ANO3: variants seen among roughly 807,000 people sequenced by gnomAD.
The protein encoded by ANO3 is anoctamin-3.
Under a neutral mutation model 144.8 loss-of-function variants are expected in ANO3, and 99 were observed. That is an observed-to-expected ratio of 0.68 (90% CI 0.58 to 0.81). The LOEUF is 0.81. Ranked by LOEUF, ANO3 falls within the 30% of genes least tolerant of loss-of-function variation. The probability of loss-of-function intolerance (pLI) is 0.00; values close to 1 mark genes in which losing one functional copy is unlikely to be tolerated. For missense variants in ANO3, 905 were observed against 1,202.2 expected, an observed-to-expected ratio of 0.75 and a Z score of 3.66; for synonymous variants, 414 against 392.6, an observed-to-expected ratio of 1.05 and a Z score of -0.64.
intron 14 of ANO3, among the ~76,000 whole-genome samples, chr11:26,576,980 C>T (rs1191273357): frequency 6.6e-6 from 1 of 152,100 alleles, no homozygotes; most frequent in Non-Finnish European, 1.5e-5. Context: ...GAATATTCTT[C>T]TCAACGTTGG....
chr11:26,615,182 GTT>G (rs34108829), intron 17 of ANO3, among the ~76,000 whole-genome samples: 2 of 143,292 alleles, frequency 1.4e-5, no homozygotes, highest in African/African-American at 2.5e-5. Context: ...TTCTGTTTTT[GTT>G]TTTTTTTTTA....
At chr11:26,258,677 A>C (rs1853114752) in intron 1 of ANO3, among the ~76,000 whole-genome samples, 1 of 152,198 alleles carries the variant, frequency 6.6e-6, no homozygotes, top group Non-Finnish European at 1.5e-5. Flanking sequence ...ATGTTAGTTC[A>C]TTCCTATCAA....
intron 1 of ANO3, among the ~76,000 whole-genome samples, chr11:26,417,188 C>T (rs1282384753): frequency 6.6e-6 from 1 of 151,968 alleles, no homozygotes; most frequent in African/African-American, 2.4e-5. Context: ...GCTTAGACAA[C>T]TAAAGCAAAA....
chr11:26,566,983 A>G (rs1850613788), intron 14 of ANO3: 1 of 1,271,334 alleles, frequency 7.9e-7, no homozygotes, highest in African/African-American at 1.5e-5. Flanking sequence ...TTAATATTCA[A>G]ATATAATAAT....
intron 2 of ANO3, among the ~76,000 whole-genome samples, chr11:26,443,543 A>T (rs1419051076): frequency 6.6e-6 from 1 of 152,200 alleles, no homozygotes; most frequent in African/African-American, 2.4e-5. Flanking sequence ...CGGAGGTTGC[A>T]GTGAGCCGAG....
intron 6 of ANO3, among the ~76,000 whole-genome samples, chr11:26,518,603 A>T (rs1258304522): frequency 6.6e-6 from 1 of 152,086 alleles, no homozygotes; most frequent in Admixed American, 6.6e-5. Flanking sequence ...ATGTATAAAA[A>T]TATTCACTGA....
chr11:26,529,734 A>G (rs1849317246), intron 7 of ANO3, among the ~76,000 whole-genome samples: 1 of 151,806 alleles, frequency 6.6e-6, no homozygotes, highest in African/African-American at 2.4e-5. Context: ...CACAGCTATT[A>G]TTATAGTAAC....
At chr11:26,484,736 TCAATAC>T (rs1208788993) in intron 4 of ANO3, among the ~76,000 whole-genome samples, 1 of 152,112 alleles carries the variant, frequency 6.6e-6, no homozygotes, top group Non-Finnish European at 1.5e-5. Context: ...CTGCAGGCAC[TCAATAC>T]CAACCCAAGA....
At chr11:26,230,852 C>A (rs1307464684) in intron 1 of ANO3, among the ~76,000 whole-genome samples, 36 of 91,822 alleles carry the variant, frequency 3.9e-4, no homozygotes, top group African/African-American at 8.5e-4. Context: ...TATCTTTTTA[C>A]AAAAAGTTTT....
intron 9 of ANO3, 98 bp from the exon 10 acceptor site, chr11:26,537,307 CT>C: frequency 2.0e-6 from 2 of 1,016,606 alleles, no homozygotes; most frequent in Middle Eastern, 4.2e-4. Context: ...TTATCTTAAA[CT>C]TTTTAATCGA....
intron 1 of ANO3, among the ~76,000 whole-genome samples, chr11:26,369,377 C>G (rs1371533516): frequency 6.6e-6 from 1 of 152,134 alleles, no homozygotes; most frequent in Non-Finnish European, 1.5e-5. Context: ...TCCTCCTCCT[C>G]TTTCTCACCT....
At chr11:26,246,522 T>A (rs1049464247) in intron 1 of ANO3, among the ~76,000 whole-genome samples, 1 of 150,054 alleles carries the variant, frequency 6.7e-6, no homozygotes, top group Non-Finnish European at 1.5e-5. Context: ...GTTTCAAGGC[T>A]ATCTGTAAGT....
chr11:26,458,500 T>C (rs563357480), intron 3 of ANO3, among the ~76,000 whole-genome samples: 8 of 152,180 alleles, frequency 5.3e-5, no homozygotes, highest in Admixed American at 2.6e-4. Flanking sequence ...TGTTTGTCCT[T>C]ACATTTATAT....
chr11:26,451,071 T>C lies in ANO3; in HGVS notation c.313+7235T>C, dbSNP rs776766956. Among the ~76,000 whole-genome samples the C allele has an allele frequency of 3.3e-4, 51 of 152,258 alleles. 1 individual carries two copies. Among genetic ancestry groups the C allele is most frequent in the East Asian group, 1.9e-4 (1 of 5,186 alleles). On this transcript the variant is annotated intron_variant, in intron 3 of 26. Transcript: ENST00000256737. ...TAAGTTTTCAACATAAAGCATACAA[T>C]TGATGATTAGAAAACAGACTTATAG...
intron 1 of ANO3, among the ~76,000 whole-genome samples, chr11:26,299,856 G>T (rs550878138): frequency 2.0e-5 from 3 of 152,266 alleles, no homozygotes; most frequent in Non-Finnish European, 4.4e-5. Flanking sequence ...GTATACAATT[G>T]CCAATAAGTG....
chr11:26,593,135 G>A (rs189863146), intron 14 of ANO3, among the ~76,000 whole-genome samples: 7 of 152,248 alleles, frequency 4.6e-5, no homozygotes, highest in Admixed American at 3.9e-4. Flanking sequence ...ATGGCTTCCT[G>A]ATGTTTGATA....
intron 1 of ANO3, among the ~76,000 whole-genome samples, chr11:26,372,614 A>G (rs1458431854): frequency 6.6e-6 from 1 of 152,204 alleles, no homozygotes; most frequent in Non-Finnish European, 1.5e-5. Flanking sequence ...AGAAATATTT[A>G]TTGATTTGCT....
intron 18 of ANO3, among the ~76,000 whole-genome samples, chr11:26,626,331 G>A (rs1263254805): frequency 1.3e-5 from 2 of 152,218 alleles, no homozygotes; most frequent in African/African-American, 4.8e-5. Context: ...CCTGAGGAAA[G>A]GAGCAGGACT....
At chr11:26,556,278 T>A (rs1455908606) in intron 13 of ANO3, among the ~76,000 whole-genome samples, 1 of 152,118 alleles carries the variant, frequency 6.6e-6, no homozygotes, top group African/African-American at 2.4e-5. Context: ...TCCTAAATTG[T>A]TTTTCATATA....
Sources: gnomAD v4.1 joint callset for allele counts (sites outside exome capture counted in the v4.1 genomes callset) on GRCh38, gnomAD v4.1.1 for gene constraint, MANE v1.5 for transcripts, NCBI Gene and HGNC (gene_info 2026-07-23, HGNC 2026-07-21) for gene names.